Variants in REG4 observed in about 807,000 individuals in gnomAD.
The protein encoded by REG4 is regenerating family member 4, also known as regenerating islet-derived protein 4.
In REG4, 16 loss-of-function variants were observed where a neutral mutation model predicts 22.3. That is an observed-to-expected ratio of 0.72 (90% CI 0.49 to 1.09). REG4 has a LOEUF of 1.09. Among genes scored for constraint, REG4 ranks in the 50% least tolerant of loss-of-function variants. REG4 has a pLI of 0.00. For missense variants in REG4, 214 were observed against 193.9 expected, an observed-to-expected ratio of 1.10 and a Z score of -0.61; for synonymous variants, 71 against 69.2, an observed-to-expected ratio of 1.03 and a Z score of -0.13.
intron 2 of REG4, among the ~76,000 whole-genome samples, chr1:119,808,114 G>A (rs918804026): frequency 6.6e-6 from 1 of 152,194 alleles, no homozygotes; most frequent in Non-Finnish European, 1.5e-5. Context: ...CACCAGATGA[G>A]ATCACATTTC....
At chr1:119,802,290 A>T (rs1370299729) in intron 3 of REG4, 2 of 963,260 alleles carry the variant, frequency 2.1e-6, no homozygotes, top group Non-Finnish European at 2.5e-6. Flanking sequence ...GCAATCCTGC[A>T]TTAATCCTGG....
Position 119,803,157 on chromosome 1 carries a change from T to G in REG4, c.76A>C (p.Met26Leu), listed in dbSNP as rs148913826. Residue 26 changes from methionine to leucine, a missense_variant, in exon 3 of 6, where the codon ATG becomes CTG. Met to Leu is a conservative substitution (Grantham distance 15). Transcript: ENST00000256585. ...CATCCAGGAGCACAGCTGGGTCTCA[T>G]GATGATATCTGCACATAAACAAAAG... ...AKTGVLGDII[M>L]RPSCAPGWFY... is the part of the protein sequence containing the mutation. 4 of 1,519,224 alleles carry G rather than the reference T, an allele frequency of 2.6e-6. No individual in the cohort carries two copies. The highest frequency in any genetic ancestry group is 2.3e-5 in the East Asian group (1 of 43,996). 94.1% of individuals were successfully genotyped at this position (1,519,224 alleles called of 1,614,324 possible).
At chr1:119,796,271 C>T (rs973859596) in intron 5 of REG4, among the ~76,000 whole-genome samples, 2 of 152,144 alleles carry the variant, frequency 1.3e-5, no homozygotes, top group African/African-American at 2.4e-5. Context: ...TTGACCTCAA[C>T]GTATACTGAA....
chr1:119,794,337 G>A lies in REG4; in HGVS notation c.*281C>T. 4.9e-6 allele frequency: 3 copies of A among 618,504 alleles called. No homozygotes were observed. Among genetic ancestry groups the A allele is most frequent in the Non-Finnish European group, 9.2e-6 (3 of 325,650 alleles). The allele number at this position is 618,504 out of a possible 1,614,324, so 38.3% of individuals were successfully genotyped here. ...AAAGACCCAGCTGTTTCATAGGCTG[G>A]AGATGCACTCTTCTAGACTGCTCGA... is the stretch of plus-strand genomic sequence containing the variant. On this transcript the variant is annotated 3_prime_UTR_variant, in exon 6 of 6. Coordinates refer to ENST00000256585, the MANE Select transcript of REG4 (RefSeq NM_032044.4).
At chr1:119,804,225 C>G (rs993429332) in intron 2 of REG4, among the ~76,000 whole-genome samples, 1 of 152,170 alleles carries the variant, frequency 6.6e-6, no homozygotes, top group South Asian at 2.1e-4. Flanking sequence ...AGCATTTTCT[C>G]TCTCCTCATT....
At chr1:119,799,956 C>G in intron 3 of REG4, 94 bp from the exon 4 acceptor site, 36 of 1,484,000 alleles carry the variant, frequency 2.4e-5, no homozygotes, top group Non-Finnish European at 3.2e-5. Flanking sequence ...GAGGGACTCA[C>G]GCAGCCCCCA....
intron 1 of REG4, among the ~76,000 whole-genome samples, chr1:119,809,752 C>T (rs927453159): frequency 3.9e-5 from 6 of 151,938 alleles, no homozygotes; most frequent in South Asian, 2.1e-4. Flanking sequence ...CATTTTAATA[C>T]CCTTTGTTAA....
intron 4 of REG4, among the ~76,000 whole-genome samples, chr1:119,798,944 TG>T (rs1189476075): frequency 3.3e-5 from 5 of 152,126 alleles, no homozygotes; most frequent in African/African-American, 1.2e-4. Context: ...GTAACAACTA[TG>T]GTAAAGGATT....
intron 2 of REG4, among the ~76,000 whole-genome samples, chr1:119,806,779 T>C (rs984214398): frequency 2.0e-5 from 3 of 152,354 alleles, no homozygotes; most frequent in Non-Finnish European, 4.4e-5. Context: ...GCATCTTGCC[T>C]GGACTACTCC....
intron 5 of REG4, among the ~76,000 whole-genome samples, chr1:119,797,852 T>C (rs1408748612): frequency 1.3e-5 from 2 of 152,118 alleles, no homozygotes. Flanking sequence ...TCCTGCAATG[T>C]ACAGGATAGC....
At chr1:119,799,934 C>A in intron 3 of REG4, 72 bp from the exon 4 acceptor site, 1 of 1,570,836 alleles carries the variant, frequency 6.4e-7, no homozygotes, top group Non-Finnish European at 8.7e-7. Flanking sequence ...AGAACGCTAG[C>A]GTGCCAAGAA....
At chr1:119,808,405 T>C (rs1654390589) in intron 2 of REG4, among the ~76,000 whole-genome samples, 1 of 152,226 alleles carries the variant, frequency 6.6e-6, no homozygotes, top group South Asian at 2.1e-4. Flanking sequence ...GACAATCTGC[T>C]AGGCAACAGG....
rs74115355 is a variant in REG4 at position 119,803,931 on chromosome 1, C to A, written c.68-766G>T. The stretch of plus-strand genomic sequence containing the variant: ...TAAGTACAGGGTGTCTGTCAGGCAA[C>A]CATGGCAGAAATAGGAAAGAGCCAG... On this transcript the variant is annotated intron_variant, in intron 2 of 5. Transcript: ENST00000256585. Among the ~76,000 whole-genome samples, 1,218 of 152,234 alleles carry A rather than the reference C, an allele frequency of 8.0e-3. 14 individuals are homozygous for A. Among genetic ancestry groups the A allele is most frequent in the African/African-American group, 0.028 (1,155 of 41,510 alleles).
intron 5 of REG4, among the ~76,000 whole-genome samples, chr1:119,795,288 T>C (rs1053496547): frequency 6.6e-6 from 1 of 152,104 alleles, no homozygotes; most frequent in African/African-American, 2.4e-5. Context: ...ATGAATCAAC[T>C]GAGAATGAGG....
chr1:119,794,083 C>A lies in REG4; in HGVS notation c.*535G>T, dbSNP rs928073615. The A allele has an allele frequency of 7.5e-6, 4 of 530,936 alleles. No homozygotes were observed. The highest frequency in any genetic ancestry group is 1.9e-5 in the African/African-American group (1 of 51,870). 32.9% of individuals were successfully genotyped at this position (530,936 alleles called of 1,614,324 possible). A position where few individuals can be genotyped will look rare whatever the true frequency, so the allele number is the denominator to read the frequency against. On this transcript the variant is annotated 3_prime_UTR_variant, in exon 6 of 6. Coordinates refer to ENST00000256585, the MANE Select transcript of REG4 (RefSeq NM_032044.4). ...CCATTACTGAACTGGAACACAGCAA[C>A]CTCTTATGTACACAATGGTTTATTA...
rs182420040 is a variant in REG4, at chr1:119,809,714, T to C, written c.-94-851A>G. Among the ~76,000 whole-genome samples, 7 of 152,266 alleles carry C rather than the reference T, an allele frequency of 4.6e-5. No homozygotes were observed. The East Asian group carries it at 1.3e-3, about 29-fold the overall frequency. On this transcript the variant is annotated intron_variant, in intron 1 of 5. Coordinates refer to ENST00000256585, the MANE Select transcript of REG4 (RefSeq NM_032044.4). ...TTAGTATAAATTCTCATATATAGGG[T>C]TGTGGCATCACACAACATGCACATT...
chr1:119,803,428 C>T (rs779167024), intron 2 of REG4, among the ~76,000 whole-genome samples: 6 of 152,148 alleles, frequency 3.9e-5, no homozygotes, highest in South Asian at 2.1e-4. Flanking sequence ...AACGTCACTG[C>T]GGTCCACCAG....
At position 119,806,555 on chromosome 1, in the gene REG4, G is replaced by A. The variant is rs1313262693; in HGVS notation, c.67+2148C>T. On this transcript the variant is annotated intron_variant, in intron 2 of 5. Transcript: ENST00000256585. Reference sequence around the variant, plus strand: ...TTTGTTTAATTACCAGAGCCTCCCTGAGAGATAGGTGTGGATAACCATTTC... The same window carrying A: ...TTTGTTTAATTACCAGAGCCTCCCTAAGAGATAGGTGTGGATAACCATTTC... 3.3e-5 allele frequency among the ~76,000 whole-genome samples: 5 copies of A among 152,200 alleles called. 1 individual carries two copies. Among genetic ancestry groups the A allele is most frequent in the African/African-American group, 1.2e-4 (5 of 41,460 alleles).
At position 119,794,084 on chromosome 1, in the gene REG4, C is replaced by G. The variant is rs770334631; in HGVS notation, c.*534G>C. On this transcript the variant is annotated 3_prime_UTR_variant, in exon 6 of 6. Transcript: ENST00000256585. Reference sequence around the variant, plus strand: ...CATTACTGAACTGGAACACAGCAACCTCTTATGTACACAATGGTTTATTAA... The same window carrying G: ...CATTACTGAACTGGAACACAGCAACGTCTTATGTACACAATGGTTTATTAA... 1.1e-5 allele frequency: 6 copies of G among 530,578 alleles called. 1 individual carries two copies. The East Asian group carries it at 2.2e-4, about 19-fold the overall frequency. The allele number at this position is 530,578 out of a possible 1,614,324, so 32.9% of individuals were successfully genotyped here.
Sources: gnomAD v4.1 joint callset for allele counts (sites outside exome capture counted in the v4.1 genomes callset) on GRCh38, gnomAD v4.1.1 for gene constraint, MANE v1.5 for transcripts, NCBI Gene and HGNC (gene_info 2026-07-23, HGNC 2026-07-21) for gene names.